The following CIROZ variants were observed in gnomAD, a reference collection of about 807,000 sequenced individuals.
The protein encoded by CIROZ is ciliated left-right organizer ZP-N domains-containing protein.
the CIROZ span, chr1:10,947,900 C>T: frequency 6.2e-7 from 1 of 1,613,666 alleles, no homozygotes; most frequent in Admixed American, 1.7e-5. Context: ...CCCCCCACTC[C>T]TCCTGGCCCA....
the CIROZ span, chr1:10,947,782 G>C: frequency 1.9e-6 from 3 of 1,598,500 alleles, no homozygotes; most frequent in South Asian, 1.1e-5. Flanking sequence ...GAGGCCCCCC[G>C]GCCAGCCTGG....
chr1:10,954,089 G>T, the CIROZ span: 1 of 1,613,748 alleles, frequency 6.2e-7, no homozygotes, highest in Non-Finnish European at 8.5e-7. Context: ...CCAGGCTCAG[G>T]TCTACCCTAT....
At chr1:10,973,879 G>A in the CIROZ span, among the ~76,000 whole-genome samples, 1 of 152,110 alleles carries the variant, frequency 6.6e-6, no homozygotes, top group Non-Finnish European at 1.5e-5. Context: ...TGCCTTCCCG[G>A]GTGCAGCGGC....
chr1:10,946,808 TC>T, the CIROZ span: 1 of 152,082 alleles, frequency 6.6e-6, no homozygotes, highest in Non-Finnish European at 1.5e-5. Context: ...CCCATTCTCC[TC>T]CCCTGGAGTC....
At chr1:10,948,370 G>A in the CIROZ span, 17 of 1,613,402 alleles carry the variant, frequency 1.1e-5, no homozygotes, top group African/African-American at 1.9e-4. Context: ...GCCAATGGCT[G>A]GAACTCCTCA....
the CIROZ span, among the ~76,000 whole-genome samples, chr1:10,975,135 C>A: frequency 4.6e-5 from 7 of 151,962 alleles, no homozygotes; most frequent in African/African-American, 1.7e-4. Context: ...GGGCCGGGCG[C>A]GGTGGCTCAT....
the CIROZ span, chr1:10,955,282 G>T: frequency 8.4e-7 from 1 of 1,195,032 alleles, no homozygotes; most frequent in Non-Finnish European, 1.2e-6. Context: ...GGCCACACCT[G>T]TGGCCGGCAC....
chr1:10,976,373 T>TCACCCTGGCTGGAGTG, the CIROZ span: 1 of 717,738 alleles, frequency 1.4e-6, no homozygotes, highest in Non-Finnish European at 2.3e-6. Context: ...TCTCGCTCCG[T>TCACCCTGGCTGGAGTG]CACCCTGGCT....
chr1:10,973,171 G>A, the CIROZ span, among the ~76,000 whole-genome samples: 1 of 152,040 alleles, frequency 6.6e-6, no homozygotes, highest in East Asian at 1.9e-4. Flanking sequence ...TGAAGAGTTC[G>A]AGACCAGCTT....
the CIROZ span, chr1:10,976,009 A>G: frequency 1.5e-6 from 1 of 645,338 alleles, no homozygotes. Flanking sequence ...GGAGAATGAC[A>G]GCCTGAAATC....
chr1:10,981,093 A>C, the CIROZ span, among the ~76,000 whole-genome samples: 1 of 152,258 alleles, frequency 6.6e-6, no homozygotes, highest in Non-Finnish European at 1.5e-5. Flanking sequence ...GGAGCTTTTT[A>C]AAGTATCTCT....
At chr1:10,973,797 A>G in the CIROZ span, among the ~76,000 whole-genome samples, 2 of 152,110 alleles carry the variant, frequency 1.3e-5, no homozygotes, top group Non-Finnish European at 2.9e-5. Context: ...ATGGGGCTAC[A>G]GCTGCCCAAA....
At chr1:10,971,008 G>A in the CIROZ span, among the ~76,000 whole-genome samples, 27 of 140,652 alleles carry the variant, frequency 1.9e-4, no homozygotes, top group African/African-American at 5.9e-4. Flanking sequence ...TTAAATTAGC[G>A]GAGCATCGTG....
chr1:10,951,814 T>A, the CIROZ span, among the ~76,000 whole-genome samples: 11 of 149,216 alleles, frequency 7.4e-5, no homozygotes, highest in African/African-American at 2.7e-4. Context: ...ATCTAAACCA[T>A]CTCTTAGATT....
chr1:10,948,453 A>AG, the CIROZ span: 1 of 1,613,884 alleles, frequency 6.2e-7, no homozygotes, highest in Non-Finnish European at 8.5e-7. Context: ...TCTCAGCAGG[A>AG]GGGGACTTCC....
chr1:10,955,271 GGGCCACAC>G, the CIROZ span: 1 of 1,305,574 alleles, frequency 7.7e-7, no homozygotes, highest in Admixed American at 2.1e-5. Context: ...CCTTTGCCAG[GGGCCACAC>G]CTGTGGCCGG....
At chr1:10,968,010 T>G in the CIROZ span, among the ~76,000 whole-genome samples, 1 of 150,712 alleles carries the variant, frequency 6.6e-6, no homozygotes, top group Non-Finnish European at 1.5e-5. Context: ...ATACAAAAAT[T>G]CGTTCGGCGC....
the CIROZ span, among the ~76,000 whole-genome samples, chr1:10,965,597 T>A: frequency 1.3e-5 from 2 of 152,018 alleles, no homozygotes; most frequent in African/African-American, 4.8e-5. Flanking sequence ...TAGTGGTGCA[T>A]GCCTGTAGTC....
chr1:10,946,635 C>T, the CIROZ span: 1 of 152,298 alleles, frequency 6.6e-6, no homozygotes, highest in Non-Finnish European at 1.5e-5. Flanking sequence ...CTCTTCCGGC[C>T]CAGAACACTG....
Sources: gnomAD v4.1 joint callset for allele counts (sites outside exome capture counted in the v4.1 genomes callset) on GRCh38, gnomAD v4.1.1 for gene constraint, MANE v1.5 for transcripts, NCBI Gene and HGNC (gene_info 2026-07-23, HGNC 2026-07-21) for gene names.